Variants in SIDT1 observed in about 807,000 individuals in gnomAD.
SIDT1 encodes SID1 transmembrane family, member 1.
SIDT1 carries 101 observed loss-of-function variants against 107.5 expected under a neutral mutation model. The observed-to-expected ratio is 0.94, with a 90% CI of 0.80 to 1.11. The LOEUF (loss-of-function observed/expected upper bound fraction) is 1.11, where lower values mean the gene tolerates loss of function less well. SIDT1 is among the 50% of genes least tolerant of loss of function. The probability of loss-of-function intolerance (pLI) is 0.00; values close to 1 mark genes in which losing one functional copy is unlikely to be tolerated. For synonymous variants in SIDT1, 395 were observed against 398.2 expected (o/e 0.99, Z 0.10); for missense variants, 1,076 against 1,058.2 (o/e 1.02, Z -0.23).
chr3:113,618,411 G>T (rs1259522212), intron 20 of SIDT1, among the ~76,000 whole-genome samples: 1 of 152,202 alleles, frequency 6.6e-6, no homozygotes, highest in Non-Finnish European at 1.5e-5. Context: ...TTGTGTGGAC[G>T]TAAGTTTTCA....
rs147775663 is a variant in SIDT1 at position 113,588,962 on chromosome 3, T to A, written c.1001+3692T>A. ...TGAGAGAGTGTGGTCCACTGACAGA[T>A]CAACTAAGAGCTAGCTCTTCTGGGC... On this transcript the variant is annotated intron_variant, in intron 9 of 24. Transcript: ENST00000264852. 2.5e-3 allele frequency among the ~76,000 whole-genome samples: 384 copies of A among 152,268 alleles called. 1 individual carries two copies. The highest frequency in any genetic ancestry group is 8.7e-3 in the African/African-American group (360 of 41,544).
At chr3:113,533,772 C>T (rs1467171098) in intron 1 of SIDT1, among the ~76,000 whole-genome samples, 2 of 152,162 alleles carry the variant, frequency 1.3e-5, no homozygotes, top group Non-Finnish European at 2.9e-5. Flanking sequence ...TCACTTCCTG[C>T]GTTTTTGTGC....
chr3:113,558,280 A>G (rs887747838), intron 1 of SIDT1, among the ~76,000 whole-genome samples: 5 of 152,228 alleles, frequency 3.3e-5, no homozygotes, highest in African/African-American at 1.2e-4. Context: ...ACAAGTATAG[A>G]AAATAATGTA....
intron 6 of SIDT1, among the ~76,000 whole-genome samples, chr3:113,582,733 T>C (rs1343987953): frequency 1.3e-5 from 2 of 151,934 alleles, no homozygotes; most frequent in East Asian, 3.9e-4. Flanking sequence ...CGAAACTCCT[T>C]CTCAAAAAAC....
chr3:113,542,383 C>CT (rs139002822), intron 1 of SIDT1, among the ~76,000 whole-genome samples: 6,414 of 152,132 alleles, frequency 0.042, 256 homozygotes, highest in African/African-American at 0.11. Context: ...GTTGGCCCTT[C>CT]TTTGGGGTTT....
intron 14 of SIDT1, among the ~76,000 whole-genome samples, chr3:113,606,046 TGAAACTA>T (rs145432602): frequency 0.03 from 4,455 of 149,110 alleles, 236 homozygotes; most frequent in African/African-American, 0.1. Context: ...AAAAGCTTCA[TGAAACTA>T]ACAAAATATT....
At chr3:113,583,540 A>T in intron 7 of SIDT1, 44 bp downstream of exon 7, 1 of 1,439,176 alleles carries the variant, frequency 6.9e-7, no homozygotes, top group Non-Finnish European at 9.6e-7. Context: ...CAAAACCTGA[A>T]GGAAGGGAGT....
Position 113,616,187 on chromosome 3 carries a change from G to A in SIDT1, c.2043+11G>A, listed in dbSNP as rs1379047549. The A allele has an allele frequency of 6.3e-7, 1 of 1,597,396 alleles. No homozygotes were observed. Among genetic ancestry groups the A allele is most frequent in the Admixed American group, 1.7e-5 (1 of 60,010 alleles). The stretch of plus-strand genomic sequence containing the variant: ...CGACCTCTATATATGGTATGTGCAT[G>A]TTCCTGTGTTCTTTGGCCCTGTCCC... On this transcript the variant is annotated intron_variant, in intron 20 of 24. Transcript: ENST00000264852.
intron 10 of SIDT1, among the ~76,000 whole-genome samples, chr3:113,598,982 T>C (rs1251263762): frequency 6.6e-6 from 1 of 152,118 alleles, no homozygotes; most frequent in Non-Finnish European, 1.5e-5. Context: ...TTTGAAAAAT[T>C]AGCCAGGTGT....
chr3:113,623,735 T>C lies in SIDT1; in HGVS notation c.2307+2T>C. The C allele has an allele frequency of 6.2e-7, 1 of 1,606,380 alleles. No individual in the cohort carries two copies. Among genetic ancestry groups the C allele is most frequent in the East Asian group, 2.2e-5 (1 of 44,852 alleles). On this transcript the variant is annotated splice_donor_variant, in intron 23 of 24. Coordinates refer to ENST00000264852, the MANE Select transcript of SIDT1 (RefSeq NM_017699.3). LOFTEE classifies it high-confidence loss of function. ...TTCCAGAATCTCAGCAGCTGGGAGG[T>C]AAGAGGCCAGTTTTCTTATCCAAAA...
intron 4 of SIDT1, among the ~76,000 whole-genome samples, chr3:113,579,165 GC>G (rs1438529620): frequency 3.9e-5 from 6 of 152,164 alleles, no homozygotes; most frequent in Admixed American, 3.9e-4. Flanking sequence ...TGATTTTTCA[GC>G]CTAAATTCCA....
intron 10 of SIDT1, among the ~76,000 whole-genome samples, chr3:113,596,734 A>G (rs1014974701): frequency 2.6e-5 from 4 of 152,246 alleles, no homozygotes; most frequent in Non-Finnish European, 5.9e-5. Flanking sequence ...ACAGAAATTC[A>G]GTTACCAGCT....
chr3:113,546,171 A>G (rs1271649961), intron 1 of SIDT1, among the ~76,000 whole-genome samples: 2 of 152,084 alleles, frequency 1.3e-5, no homozygotes, highest in African/African-American at 4.8e-5. Flanking sequence ...TATTTTCCCC[A>G]CTGATAAGAT....
rs941927630 is a variant in SIDT1, at chr3:113,609,084, A to G, written c.1720+548A>G. ...TTTTTTTTTTTTTTTTTTTTTTTTG[A>G]CAGAATCTGGCTCTGTCGCCCAGGC... On this transcript the variant is annotated intron_variant, in intron 17 of 24. Coordinates refer to ENST00000264852, the MANE Select transcript of SIDT1 (RefSeq NM_017699.3). Among the ~76,000 whole-genome samples the G allele has an allele frequency of 8.1e-5, 3 of 37,142 alleles. No homozygotes were observed. The Admixed American group carries it at 1.1e-3, about 13-fold the overall frequency. The allele number at this position is 37,142 out of a possible 152,430, so 24.4% of individuals were successfully genotyped here. A position where few individuals can be genotyped will look rare whatever the true frequency, so the allele number is the denominator to read the frequency against.
chr3:113,624,605 A>G (rs879168599), intron 23 of SIDT1, among the ~76,000 whole-genome samples: 3 of 152,200 alleles, frequency 2.0e-5, no homozygotes, highest in Non-Finnish European at 2.9e-5. Flanking sequence ...ATACATATAA[A>G]ATTTACCATC....
chr3:113,597,266 G>A (rs1266072794), intron 10 of SIDT1, among the ~76,000 whole-genome samples: 2 of 152,038 alleles, frequency 1.3e-5, no homozygotes, highest in Non-Finnish European at 2.9e-5. Context: ...GGAGGCCGAG[G>A]CGGGTGGATT....
intron 3 of SIDT1, among the ~76,000 whole-genome samples, chr3:113,568,470 T>A (rs1056043843): frequency 2.6e-5 from 4 of 151,640 alleles, no homozygotes; most frequent in Non-Finnish European, 4.4e-5. Context: ...GGCGGGCACC[T>A]GTAATCCCAG....
chr3:113,543,571 G>GT (rs1168267343), intron 1 of SIDT1, among the ~76,000 whole-genome samples: 6 of 151,752 alleles, frequency 4.0e-5, no homozygotes, highest in East Asian at 1.9e-4. Context: ...CAACTTGGGG[G>GT]TTTTTTTTAG....
In SIDT1 at chr3:113,605,101, A is replaced by G. The variant is rs982463888; in HGVS notation, c.1404+125A>G. On this transcript the variant is annotated intron_variant, in intron 14 of 24. Transcript: ENST00000264852. The stretch of plus-strand genomic sequence containing the variant: ...TCAGGAATTTCCCATTGGGGTTCCA[A>G]TTGGAATTCACTATTGCTTCCTCTT... The G allele has an allele frequency of 1.0e-5, 8 of 800,842 alleles. No individual in the cohort carries two copies. The East Asian group carries it at 1.4e-4, about 14-fold the overall frequency. The allele number at this position is 800,842 out of a possible 1,614,324, so 49.6% of individuals were successfully genotyped here.
Sources: allele counts gnomAD v4.1 joint callset (sites outside exome capture counted in the v4.1 genomes callset), GRCh38; gene constraint gnomAD v4.1.1; transcripts MANE v1.5; gene names NCBI Gene and HGNC (gene_info 2026-07-23, HGNC 2026-07-21).